STK32B: variants seen among roughly 807,000 people sequenced by gnomAD.
The protein encoded by STK32B is serine/threonine kinase 32B.
In STK32B, 43 loss-of-function variants were observed where a neutral mutation model predicts 52.6. The observed-to-expected ratio is 0.82, with a 90% confidence interval of 0.64 to 1.05. The LOEUF (loss-of-function observed/expected upper bound fraction) is 1.05. Among genes scored for constraint, STK32B ranks in the 50% least tolerant of loss-of-function variants. The pLI is 0.00. For missense variants in STK32B, 621 were observed against 534.6 expected, an observed-to-expected ratio of 1.16 and a Z score of -1.59; for synonymous variants, 238 against 204.3, an observed-to-expected ratio of 1.17 and a Z score of -1.41.
intron 1 of STK32B, among the ~76,000 whole-genome samples, chr4:5,130,172 G>GA (rs144898763): frequency 0.11 from 16,464 of 151,398 alleles, 1,204 homozygotes; most frequent in Admixed American, 0.24. Context: ...CTTCTCCGGC[G>GA]GGGGGAGGCC....
Position 5,317,103 on chromosome 4 carries a change from A to T in STK32B, c.261-14117A>T, listed in dbSNP as rs1408775023. Among the ~76,000 whole-genome samples, 5 of 38,560 alleles carry T rather than the reference A, an allele frequency of 1.3e-4. No homozygotes were observed. The East Asian group carries it at 5.2e-3, about 40-fold the overall frequency. The allele number at this position is 38,560 out of a possible 152,430, so 25.3% of individuals were successfully genotyped here. ...TTATATATATAATATATATGATATA[A>T]TATATAATATATATAATACATTATA... On this transcript the variant is annotated intron_variant, in intron 3 of 11. Transcript: ENST00000282908.
At chr4:5,341,702 G>A (rs1224432485) in intron 4 of STK32B, among the ~76,000 whole-genome samples, 1 of 152,174 alleles carries the variant, frequency 6.6e-6, no homozygotes, top group Non-Finnish European at 1.5e-5. Flanking sequence ...TCATGGTTCT[G>A]CGGGCTGCAC....
chr4:5,387,900 T>C (rs893792544), intron 4 of STK32B, among the ~76,000 whole-genome samples: 5 of 152,074 alleles, frequency 3.3e-5, no homozygotes, highest in African/African-American at 9.7e-5. Flanking sequence ...TCCTGCCACA[T>C]GCCCGGCTAA....
At chr4:5,377,575 A>G (rs1452726582) in intron 4 of STK32B, among the ~76,000 whole-genome samples, 1 of 152,188 alleles carries the variant, frequency 6.6e-6, no homozygotes, top group Non-Finnish European at 1.5e-5. Context: ...GTTCGCCTCT[A>G]TGTCCCGACC....
chr4:5,334,202 A>C lies in STK32B; in HGVS notation c.434+2809A>C, dbSNP rs532491503. On this transcript the variant is annotated intron_variant, in intron 4 of 11. Coordinates refer to ENST00000282908, the MANE Select transcript of STK32B (RefSeq NM_018401.3). ...TGAAGAGGTCCTTCATGTCCCTTGT[A>C]AGTTGGATTCCTAGGTATTTTATTG... Among the ~76,000 whole-genome samples, 16 of 152,046 alleles carry C rather than the reference A, an allele frequency of 1.1e-4. No individual in the cohort carries two copies. The South Asian group carries it at 3.3e-3, about 32-fold the overall frequency.
intron 4 of STK32B, among the ~76,000 whole-genome samples, chr4:5,347,697 A>G (rs1733556875): frequency 6.6e-6 from 1 of 152,172 alleles, no homozygotes; most frequent in Non-Finnish European, 1.5e-5. Flanking sequence ...TGACTGGATC[A>G]TGGGGGTGGA....
intron 4 of STK32B, among the ~76,000 whole-genome samples, chr4:5,349,249 C>T (rs1313119651): frequency 1.3e-5 from 2 of 152,164 alleles, no homozygotes; most frequent in East Asian, 3.9e-4. Context: ...CACATGCACT[C>T]CATCACTGCC....
At chr4:5,261,499 G>C (rs1038715782) in intron 3 of STK32B, among the ~76,000 whole-genome samples, 33 of 152,148 alleles carry the variant, frequency 2.2e-4, no homozygotes, top group African/African-American at 7.7e-4. Context: ...TTAAGACCCT[G>C]TCACACATCA....
intron 4 of STK32B, among the ~76,000 whole-genome samples, chr4:5,353,661 G>A (rs894166129): frequency 5.9e-5 from 9 of 152,086 alleles, no homozygotes; most frequent in African/African-American, 2.2e-4. Context: ...CTAATCATCA[G>A]GGAAATGAAA....
chr4:5,146,122 C>A (rs904514729), intron 2 of STK32B, among the ~76,000 whole-genome samples: 1 of 147,770 alleles, frequency 6.8e-6, no homozygotes, highest in African/African-American at 2.5e-5. Flanking sequence ...GGATTGTGTA[C>A]GACGATTGTC....
At chr4:5,369,507 C>A (rs763017814) in intron 4 of STK32B, among the ~76,000 whole-genome samples, 1 of 152,106 alleles carries the variant, frequency 6.6e-6, no homozygotes, top group Non-Finnish European at 1.5e-5. Context: ...GAATGCAAAT[C>A]ATCAGTTCTT....
At chr4:5,063,306 A>G (rs1253784132) in intron 1 of STK32B, among the ~76,000 whole-genome samples, 1 of 152,304 alleles carries the variant, frequency 6.6e-6, no homozygotes, top group South Asian at 2.1e-4. Context: ...AATTTTTAAT[A>G]ATACATTTTA....
At chr4:5,438,632 A>G (rs1229676824) in intron 6 of STK32B, among the ~76,000 whole-genome samples, 1 of 152,176 alleles carries the variant, frequency 6.6e-6, no homozygotes, top group Non-Finnish European at 1.5e-5. Flanking sequence ...TTTAAGTTTT[A>G]GGGTACATGT....
chr4:5,293,929 G>GT (rs1729040190), intron 3 of STK32B, among the ~76,000 whole-genome samples: 1 of 151,952 alleles, frequency 6.6e-6, no homozygotes, highest in African/African-American at 2.4e-5. Context: ...TAGATCTTAT[G>GT]TTTAAGTCTT....
chr4:5,153,364 A>G (rs1443776534), intron 2 of STK32B, among the ~76,000 whole-genome samples: 1 of 152,096 alleles, frequency 6.6e-6, no homozygotes, highest in African/African-American at 2.4e-5. Context: ...AAAAGTAATG[A>G]TTATAATGGA....
intron 1 of STK32B, among the ~76,000 whole-genome samples, chr4:5,099,870 A>G (rs895098469): frequency 5.3e-5 from 8 of 152,070 alleles, no homozygotes; most frequent in African/African-American, 1.4e-4. Flanking sequence ...TGGGCAGCCA[A>G]CACCCAGCTG....
chr4:5,457,518 A>G (rs1394310894), intron 8 of STK32B, among the ~76,000 whole-genome samples: 1 of 150,046 alleles, frequency 6.7e-6, no homozygotes, highest in Non-Finnish European at 1.5e-5. Flanking sequence ...CCCAGCCTGC[A>G]TGTGGGTTTT....
intron 5 of STK32B, among the ~76,000 whole-genome samples, chr4:5,413,048 T>A (rs1711838062): frequency 6.6e-6 from 1 of 152,176 alleles, no homozygotes; most frequent in East Asian, 1.9e-4. Context: ...CTCTGTCAGC[T>A]GCCCTCTTCC....
rs753418569 is a variant in STK32B at position 5,331,352 on chromosome 4, A to C, written c.393A>C (p.Ala131=). 1 of 1,613,822 alleles carries C rather than the reference A, an allele frequency of 6.2e-7. No individual in the cohort carries two copies. Among genetic ancestry groups the C allele is most frequent in the South Asian group, 1.1e-5 (1 of 91,020 alleles). ...GTVKLYICEL[A]LALEYLQRYH... ...TGAAACTCTACATCTGTGAGCTGGC[A>C]CTGGCCCTGGAGTATCTTCAGAGGT... Residue 131 remains alanine (A), a synonymous_variant, in exon 4 of 12, where the codon GCA becomes GCC. Coordinates refer to ENST00000282908, the MANE Select transcript of STK32B (RefSeq NM_018401.3).
Sources: gnomAD v4.1 joint callset for allele counts (sites outside exome capture counted in the v4.1 genomes callset) on GRCh38, gnomAD v4.1.1 for gene constraint, MANE v1.5 for transcripts, NCBI Gene and HGNC (gene_info 2026-07-23, HGNC 2026-07-21) for gene names.